The following ANXA8 variants were observed in gnomAD, a reference collection of about 807,000 sequenced individuals.
The protein encoded by ANXA8 is annexin A8, also known as VAC-beta.
In ANXA8, 9 loss-of-function variants were observed where a neutral mutation model predicts 26.8. The ratio of observed to expected loss-of-function variants is 0.34; its 90% confidence interval spans 0.20 to 0.59. ANXA8 has a LOEUF of 0.59. ANXA8 is among the 20% of genes least tolerant of loss of function. The pLI, the probability that ANXA8 is intolerant of heterozygous loss-of-function variation, is 0.84. For synonymous variants in ANXA8, 39 were observed against 94.8 expected (o/e 0.41, Z 3.42); for missense variants, 83 against 238.5 (o/e 0.35, Z 4.29).
At chr10:47,546,396 A>ATTTTTT in the ANXA8 span, among the ~76,000 whole-genome samples, 1 of 59,572 alleles carries the variant, frequency 1.7e-5, no homozygotes, top group Non-Finnish European at 2.8e-5. Flanking sequence ...GATAAGACCA[A>ATTTTTT]TTTTTTTTTT....
the ANXA8 span, among the ~76,000 whole-genome samples, chr10:47,561,176 T>C: frequency 6.6e-6 from 1 of 152,022 alleles, no homozygotes; most frequent in Non-Finnish European, 1.5e-5. Context: ...TAAGTCAAGC[T>C]GATTAACCTG....
the ANXA8 span, among the ~76,000 whole-genome samples, chr10:47,956,926 A>G: frequency 6.7e-6 from 1 of 150,298 alleles, no homozygotes; most frequent in South Asian, 2.1e-4. Flanking sequence ...TCCCAGATAC[A>G]GGTATAGTCT....
At chr10:47,975,019 CAAGAT>C in the ANXA8 span, among the ~76,000 whole-genome samples, 119 of 149,856 alleles carry the variant, frequency 7.9e-4, 16 homozygotes, top group East Asian at 0.022. Context: ...GGCCATAAGA[CAAGAT>C]GTGTCTGGAT....
the ANXA8 span, chr10:47,502,442 T>C: frequency 9.9e-5 from 159 of 1,612,062 alleles, 4 homozygotes; most frequent in African/African-American, 1.8e-3. Context: ...CACCATTCCT[T>C]CTCTTCCCTC....
the ANXA8 span, among the ~76,000 whole-genome samples, chr10:47,900,866 AC>A: frequency 1.3e-5 from 2 of 151,302 alleles, no homozygotes; most frequent in Non-Finnish European, 2.9e-5. Context: ...AAACAAGAAA[AC>A]TAGTACCTTG....
the ANXA8 span, among the ~76,000 whole-genome samples, chr10:47,756,653 A>G: frequency 6.6e-6 from 1 of 152,310 alleles, no homozygotes; most frequent in South Asian, 2.1e-4. Context: ...CGGTGACCCC[A>G]GATGTGAACA....
the ANXA8 span, among the ~76,000 whole-genome samples, chr10:47,948,039 T>C: frequency 2.0e-5 from 3 of 150,568 alleles, no homozygotes; most frequent in African/African-American, 7.4e-5. Flanking sequence ...AGTCATGTCT[T>C]GGCAGGAGGA....
the ANXA8 span, among the ~76,000 whole-genome samples, chr10:47,648,455 C>T: frequency 1.3e-5 from 2 of 149,922 alleles, no homozygotes; most frequent in African/African-American, 5.0e-5. Context: ...TCTTCTGTAG[C>T]AGCATTTCAA....
the ANXA8 span, among the ~76,000 whole-genome samples, chr10:47,701,350 A>G: frequency 1.3e-5 from 2 of 151,708 alleles, no homozygotes; most frequent in African/African-American, 4.8e-5. Context: ...CTTTCAACCT[A>G]GCAATCCCAC....
the ANXA8 span, among the ~76,000 whole-genome samples, chr10:47,968,672 C>T: frequency 7.3e-5 from 11 of 149,780 alleles, no homozygotes; most frequent in Non-Finnish European, 1.5e-4. Context: ...GCTTTCCTAA[C>T]TTCACAGTTG....
chr10:47,944,677 C>T, the ANXA8 span, among the ~76,000 whole-genome samples: 1 of 150,640 alleles, frequency 6.6e-6, no homozygotes, highest in Non-Finnish European at 1.5e-5. Flanking sequence ...CACATGCTCT[C>T]TTTTGCCTGC....
the ANXA8 span, among the ~76,000 whole-genome samples, chr10:47,701,033 A>G: frequency 2.7e-5 from 4 of 150,880 alleles, no homozygotes. Flanking sequence ...AGTGAGCTGT[A>G]TTCATGCCAC....
the ANXA8 span, among the ~76,000 whole-genome samples, chr10:47,548,462 C>G: frequency 6.6e-6 from 1 of 152,060 alleles, no homozygotes; most frequent in African/African-American, 2.4e-5. Flanking sequence ...CCACCTCACC[C>G]GTCTAATTTT....
At chr10:47,526,062 G>A in the ANXA8 span, among the ~76,000 whole-genome samples, 8 of 135,804 alleles carry the variant, frequency 5.9e-5, no homozygotes, top group Admixed American at 1.5e-4. Flanking sequence ...ATGAGCCATC[G>A]TGCCCAGCCA....
At chr10:47,984,964 T>C in the ANXA8 span, among the ~76,000 whole-genome samples, 802 of 137,752 alleles carry the variant, frequency 5.8e-3, 24 homozygotes, top group African/African-American at 0.021. Context: ...AAAGAAAGAA[T>C]TGATAAATTG....
chr10:47,743,343 T>TATATATATATACAC, the ANXA8 span, among the ~76,000 whole-genome samples: 2 of 14,770 alleles, frequency 1.4e-4, no homozygotes, highest in Non-Finnish European at 1.7e-4. Flanking sequence ...TATATATACA[T>TATATATATATACAC]ATATATATAT....
the ANXA8 span, among the ~76,000 whole-genome samples, chr10:47,599,106 T>C: frequency 6.8e-6 from 1 of 147,294 alleles, no homozygotes; most frequent in Non-Finnish European, 1.5e-5. Context: ...TAATATATAG[T>C]TAATAATAAC....
the ANXA8 span, among the ~76,000 whole-genome samples, chr10:47,733,219 T>TTCTCTCTCTCTCTC: frequency 8.8e-5 from 6 of 68,080 alleles, no homozygotes; most frequent in Admixed American, 1.7e-4. Flanking sequence ...CTTTCTTTCT[T>TTCTCTCTCTCTCTC]TCTCTTTCTT....
the ANXA8 span, among the ~76,000 whole-genome samples, chr10:47,519,516 C>G: frequency 4.5e-5 from 5 of 111,296 alleles, 1 homozygote; most frequent in African/African-American, 1.8e-4. Flanking sequence ...TCCCCTCTCT[C>G]TTTCACCGTG....
Sources: allele counts gnomAD v4.1 joint callset (sites outside exome capture counted in the v4.1 genomes callset), GRCh38; gene constraint gnomAD v4.1.1; transcripts MANE v1.5; gene names NCBI Gene and HGNC (gene_info 2026-07-23, HGNC 2026-07-21).